The following VSTM4 variants were observed in gnomAD, a reference collection of about 807,000 sequenced individuals.
VSTM4 encodes the protein V-set and transmembrane domain containing 4.
Under a neutral mutation model 36.4 loss-of-function variants are expected in VSTM4, and 20 were observed. That is an observed-to-expected ratio of 0.55 (90% CI 0.39 to 0.80). The LOEUF is 0.80. Among genes scored for constraint, VSTM4 ranks in the 30% least tolerant of loss-of-function variants. VSTM4 has a pLI of 0.00. For missense variants in VSTM4, 392 were observed against 404.5 expected (o/e 0.97, Z 0.26); for synonymous variants, 182 against 173.9 (o/e 1.05, Z -0.37).
At chr10:49,105,329 C>CA (rs60466424) in intron 2 of VSTM4, among the ~76,000 whole-genome samples, 25,592 of 122,626 alleles carry the variant, frequency 0.21, 2,706 homozygotes, top group Non-Finnish European at 0.24. Flanking sequence ...GAGAGAGAGA[C>CA]GGGGGGGGGA....
intron 5 of VSTM4, among the ~76,000 whole-genome samples, chr10:49,058,820 A>G (rs921648934): frequency 2.0e-5 from 3 of 151,870 alleles, no homozygotes; most frequent in Non-Finnish European, 4.4e-5. Flanking sequence ...AGGGTTTCCA[A>G]CCCAGGCATC....
chr10:49,019,716 C>G lies in VSTM4; in HGVS notation c.897G>C (p.Arg299=), dbSNP rs759465324. The G allele has an allele frequency of 6.2e-7, 1 of 1,613,932 alleles. No individual in the cohort carries two copies. Among genetic ancestry groups the G allele is most frequent in the Non-Finnish European group, 8.5e-7 (1 of 1,179,950 alleles). ...TGCTGGTGGGGGCGCCTTTGGCAGC[C>G]CGGTGGGGTTTGATCAGCTCCAGTT... ...YAELELIKPH[R]AAKGAPTSTV... is the part of the protein sequence containing the mutation. Residue 299 remains arginine, a synonymous_variant, in exon 8 of 8, where the codon CGG becomes CGC. Coordinates refer to ENST00000332853, the MANE Select transcript of VSTM4 (RefSeq NM_001031746.5).
At chr10:49,058,347 T>C (rs1172585622) in intron 5 of VSTM4, among the ~76,000 whole-genome samples, 11 of 152,194 alleles carry the variant, frequency 7.2e-5, no homozygotes, top group African/African-American at 2.7e-4. Context: ...TGGAGAGTCA[T>C]TGCAGAATGG....
chr10:49,022,482 T>C (rs951323513), intron 7 of VSTM4, among the ~76,000 whole-genome samples: 2 of 152,188 alleles, frequency 1.3e-5, no homozygotes, highest in Non-Finnish European at 2.9e-5. Flanking sequence ...CAAAGAGTTC[T>C]TCAAGCCAGC....
chr10:49,058,068 G>A (rs1032146476), intron 5 of VSTM4, among the ~76,000 whole-genome samples: 3 of 152,162 alleles, frequency 2.0e-5, no homozygotes, highest in South Asian at 2.1e-4. Context: ...TGGACCTCTC[G>A]AAGTCAGGGG....
At chr10:49,066,231 A>C (rs1353835169) in intron 4 of VSTM4, among the ~76,000 whole-genome samples, 4 of 152,168 alleles carry the variant, frequency 2.6e-5, no homozygotes, top group Non-Finnish European at 4.4e-5. Flanking sequence ...CATAAAATCA[A>C]AGCACACCAT....
chr10:49,039,338 G>A (rs1843483328), intron 7 of VSTM4, among the ~76,000 whole-genome samples: 1 of 152,124 alleles, frequency 6.6e-6, no homozygotes, highest in African/African-American at 2.4e-5. Flanking sequence ...GCTACTCACA[G>A]GAAGCCGCCT....
intron 1 of VSTM4, 51 bp downstream of exon 1, chr10:49,115,380 G>A: frequency 2.0e-6 from 2 of 996,340 alleles, no homozygotes; most frequent in Non-Finnish European, 2.4e-6. Flanking sequence ...TCCCCGGCGC[G>A]GCCGCCCGGC....
chr10:49,091,141 C>G (rs528803688), intron 2 of VSTM4, among the ~76,000 whole-genome samples: 2 of 152,356 alleles, frequency 1.3e-5, no homozygotes, highest in South Asian at 4.1e-4. Flanking sequence ...TGGGTCAGGT[C>G]TCACAGTGGA....
intron 5 of VSTM4, among the ~76,000 whole-genome samples, chr10:49,054,414 C>A (rs540945249): frequency 6.6e-6 from 1 of 152,348 alleles, no homozygotes; most frequent in East Asian, 1.9e-4. Context: ...GAGAGGCCAA[C>A]CCAGGTAGTG....
chr10:49,024,862 T>C (rs556181745), intron 7 of VSTM4, among the ~76,000 whole-genome samples: 6 of 152,196 alleles, frequency 3.9e-5, no homozygotes, highest in Non-Finnish European at 7.3e-5. Flanking sequence ...TTAGTTGTTA[T>C]GGACTGAATC....
chr10:49,020,014 A>C (rs1018949165), intron 7 of VSTM4, among the ~76,000 whole-genome samples: 1 of 152,212 alleles, frequency 6.6e-6, no homozygotes, highest in African/African-American at 2.4e-5. Context: ...TCAAGTTGAC[A>C]TGAAACACTC....
Position 49,018,235 on chromosome 10 carries a change from G to C in VSTM4, c.*1415C>G, listed in dbSNP as rs1843130452. ...AAGAAATTTTCATTTTGAAAATGCA[G>C]ACTGGCTTTAGCATGAATGTCAACA... On this transcript the variant is annotated 3_prime_UTR_variant, in exon 8 of 8. Coordinates refer to ENST00000332853, the MANE Select transcript of VSTM4 (RefSeq NM_001031746.5). 6.6e-6 allele frequency: 1 copy of C among 152,232 alleles called. No homozygotes were observed. The highest frequency in any genetic ancestry group is 2.4e-5 in the African/African-American group (1 of 41,460). 9.4% of individuals were successfully genotyped at this position (152,232 alleles called of 1,614,324 possible). A position where few individuals can be genotyped will look rare whatever the true frequency, so the allele number is the denominator to read the frequency against.
At chr10:49,024,701 A>C (rs1483105045) in intron 7 of VSTM4, among the ~76,000 whole-genome samples, 1 of 152,200 alleles carries the variant, frequency 6.6e-6, no homozygotes, top group African/African-American at 2.4e-5. Context: ...TGCTGAACAA[A>C]TCAGTGTTTC....
At chr10:49,108,974 A>T (rs1385791513) in intron 1 of VSTM4, among the ~76,000 whole-genome samples, 1 of 152,150 alleles carries the variant, frequency 6.6e-6, no homozygotes, top group African/African-American at 2.4e-5. Context: ...TGCTCACAGC[A>T]CAGCCCTCTG....
At chr10:49,028,038 G>T (rs1843289569) in intron 7 of VSTM4, among the ~76,000 whole-genome samples, 2 of 152,186 alleles carry the variant, frequency 1.3e-5, no homozygotes, top group Admixed American at 1.3e-4. Context: ...CCTCCCACCT[G>T]CAAAGCATGA....
At chr10:49,042,374 G>T (rs1843534234) in intron 7 of VSTM4, among the ~76,000 whole-genome samples, 1 of 152,172 alleles carries the variant, frequency 6.6e-6, no homozygotes, top group Non-Finnish European at 1.5e-5. Context: ...TGAAAAGCCT[G>T]CTAGAACCCA....
intron 1 of VSTM4, among the ~76,000 whole-genome samples, chr10:49,114,580 T>C (rs1315383093): frequency 8.6e-6 from 1 of 116,548 alleles, no homozygotes; most frequent in African/African-American, 4.2e-5. Flanking sequence ...ATTAACCAAG[T>C]TCATGTTTTT....
At chr10:49,092,767 C>G (rs530018258) in intron 2 of VSTM4, among the ~76,000 whole-genome samples, 2 of 152,296 alleles carry the variant, frequency 1.3e-5, no homozygotes, top group Admixed American at 6.5e-5. Flanking sequence ...AAGGCAGAGA[C>G]AGACGCAGTC....
Sources: gnomAD v4.1 joint callset for allele counts (sites outside exome capture counted in the v4.1 genomes callset) on GRCh38, gnomAD v4.1.1 for gene constraint, MANE v1.5 for transcripts, NCBI Gene and HGNC (gene_info 2026-07-23, HGNC 2026-07-21) for gene names.